Variants in SYNPR observed in about 807,000 individuals in gnomAD.
SYNPR encodes the protein synaptoporin.
SYNPR carries 23 observed loss-of-function variants against 32.9 expected under a neutral mutation model. The observed-to-expected ratio is 0.70, with a 90% CI of 0.50 to 0.99. The LOEUF (loss-of-function observed/expected upper bound fraction) is 0.99. SYNPR is among the 50% of genes least tolerant of loss of function. SYNPR has a pLI of 0.00. For synonymous variants in SYNPR, 146 were observed against 135.9 expected (o/e 1.07, Z -0.52); for missense variants, 318 against 349.3 (o/e 0.91, Z 0.71).
chr3:63,600,851 G>A (rs529244324), intron 4 of SYNPR, among the ~76,000 whole-genome samples: 1 of 152,292 alleles, frequency 6.6e-6, no homozygotes, highest in South Asian at 2.1e-4. Flanking sequence ...GTCTCTGGCA[G>A]TTCTTCATAG....
chr3:63,408,308 G>A (rs1384804857), intron 2 of SYNPR, among the ~76,000 whole-genome samples: 2 of 106,194 alleles, frequency 1.9e-5, no homozygotes, highest in Admixed American at 9.2e-5. Flanking sequence ...AGGAAGGAAG[G>A]AAGGAAGGAA....
chr3:63,567,114 A>C (rs1702802929), intron 4 of SYNPR, among the ~76,000 whole-genome samples: 1 of 152,100 alleles, frequency 6.6e-6, no homozygotes, highest in South Asian at 2.1e-4. Flanking sequence ...ATTATAGACA[A>C]ATGCAATCAG....
At position 63,305,460 on chromosome 3, in the gene SYNPR, A is replaced by G. The variant is rs570933516; in HGVS notation, c.84+26718A>G. On this transcript the variant is annotated intron_variant, in intron 2 of 5. Coordinates refer to ENST00000478300, the MANE Select transcript of SYNPR (RefSeq NM_001130003.2). ...AAAGAGTTTATTCCTTGTACTCCAA[A>G]CAATTGAAAGCTTGTTGAATATTTA... 2.0e-5 allele frequency among the ~76,000 whole-genome samples: 3 copies of G among 152,158 alleles called. No homozygotes were observed. The South Asian group carries it at 6.2e-4, about 32-fold the overall frequency.
intron 2 of SYNPR, among the ~76,000 whole-genome samples, chr3:63,460,550 G>T (rs1311418463): frequency 9.0e-6 from 1 of 111,146 alleles, no homozygotes; most frequent in Non-Finnish European, 1.7e-5. Flanking sequence ...AAAGACAACA[G>T]CATAGGTGAG....
intron 4 of SYNPR, among the ~76,000 whole-genome samples, chr3:63,608,729 T>C (rs902810805): frequency 2.0e-5 from 3 of 152,140 alleles, no homozygotes; most frequent in African/African-American, 7.2e-5. Context: ...TTGCCTGGGT[T>C]TGAATCCTGA....
intron 3 of SYNPR, among the ~76,000 whole-genome samples, chr3:63,481,180 A>C (rs562909417): frequency 6.6e-6 from 1 of 152,250 alleles, no homozygotes; most frequent in Non-Finnish European, 1.5e-5. Context: ...CTCCTCAAAA[A>C]AAAAGAAAAA....
intron 3 of SYNPR, among the ~76,000 whole-genome samples, chr3:63,523,257 T>C (rs980267744): frequency 6.6e-6 from 1 of 152,072 alleles, no homozygotes; most frequent in Non-Finnish European, 1.5e-5. Flanking sequence ...CCCTTTGCCC[T>C]TCCAAGTCCA....
chr3:63,291,009 C>A (rs916480704), intron 2 of SYNPR, among the ~76,000 whole-genome samples: 3 of 152,162 alleles, frequency 2.0e-5, no homozygotes, highest in Admixed American at 6.5e-5. Context: ...TTACTGAGCA[C>A]AAACCCATGA....
intron 2 of SYNPR, among the ~76,000 whole-genome samples, chr3:63,279,823 A>T (rs1368572107): frequency 6.6e-6 from 1 of 152,160 alleles, no homozygotes; most frequent in Non-Finnish European, 1.5e-5. Flanking sequence ...AATTACATTT[A>T]CCTTGTTTGT....
chr3:63,206,249 G>T, the SYNPR span, among the ~76,000 whole-genome samples: 1 of 152,132 alleles, frequency 6.6e-6, no homozygotes, highest in Non-Finnish European at 1.5e-5. Context: ...AGAATTACCA[G>T]TTTAGGGGGG....
intron 5 of SYNPR, among the ~76,000 whole-genome samples, chr3:63,611,439 A>C (rs6796563): frequency 0.45 from 68,055 of 151,968 alleles, 15,374 homozygotes; most frequent in Middle Eastern, 0.54. Context: ...GAACCAAAAC[A>C]CAATATTTTT....
intron 2 of SYNPR, among the ~76,000 whole-genome samples, chr3:63,344,876 G>A: frequency 6.6e-6 from 1 of 152,080 alleles, no homozygotes; most frequent in East Asian, 1.9e-4. Flanking sequence ...AAATTGTAGG[G>A]GATCAAAGCT....
chr3:63,498,409 A>C (rs1701412710), intron 3 of SYNPR, among the ~76,000 whole-genome samples: 1 of 151,992 alleles, frequency 6.6e-6, no homozygotes, highest in Non-Finnish European at 1.5e-5. Flanking sequence ...TAGTGGGAGG[A>C]AGGAAGGGAG....
At chr3:63,207,395 G>A in the SYNPR span, among the ~76,000 whole-genome samples, 1 of 152,172 alleles carries the variant, frequency 6.6e-6, no homozygotes, top group South Asian at 2.1e-4. Flanking sequence ...ACCAGAGCAG[G>A]TGGATTTAAT....
At chr3:63,427,248 A>ATTTATTTTT in intron 2 of SYNPR, among the ~76,000 whole-genome samples, 1 of 151,748 alleles carries the variant, frequency 6.6e-6, no homozygotes. Context: ...TTGAAAGCCA[A>ATTTATTTTT]CACTGAGCTA....
intron 3 of SYNPR, among the ~76,000 whole-genome samples, chr3:63,269,477 C>T (rs1324875333): frequency 6.7e-6 from 1 of 148,498 alleles, no homozygotes; most frequent in Non-Finnish European, 1.5e-5. Context: ...GACTCCATCT[C>T]AAAAAAGGAG....
chr3:63,305,258 T>G (rs1349793452), intron 2 of SYNPR, among the ~76,000 whole-genome samples: 1 of 152,038 alleles, frequency 6.6e-6, no homozygotes, highest in Non-Finnish European at 1.5e-5. Context: ...TAGCCCAAGC[T>G]GACAGCTTGA....
At chr3:63,481,839 A>G (rs1701054516) in intron 3 of SYNPR, among the ~76,000 whole-genome samples, 1 of 152,124 alleles carries the variant, frequency 6.6e-6, no homozygotes, top group African/African-American at 2.4e-5. Context: ...AGGACAGGAG[A>G]TGAAAACTGC....
At chr3:63,559,871 A>G (rs767825075) in intron 4 of SYNPR, among the ~76,000 whole-genome samples, 1 of 152,216 alleles carries the variant, frequency 6.6e-6, no homozygotes, top group Non-Finnish European at 1.5e-5. Flanking sequence ...TTATTTCTGG[A>G]TCCATGTAAA....
Sources: allele counts gnomAD v4.1 joint callset (sites outside exome capture counted in the v4.1 genomes callset), GRCh38; gene constraint gnomAD v4.1.1; transcripts MANE v1.5; gene names NCBI Gene and HGNC (gene_info 2026-07-23, HGNC 2026-07-21).